Variants in NBEA observed in about 807,000 individuals in gnomAD.
The protein encoded by NBEA is lysosomal-trafficking regulator 2.
In NBEA, 44 loss-of-function variants were observed where a neutral mutation model predicts 343.4. The observed-to-expected ratio is 0.13, with a 90% CI of 0.10 to 0.16. The LOEUF (loss-of-function observed/expected upper bound fraction) is 0.16, where lower values mean the gene tolerates loss of function less well. Among genes scored for constraint, NBEA ranks in the 10% least tolerant of loss-of-function variants. The probability of loss-of-function intolerance (pLI) is 1.00; values close to 1 mark genes in which losing one functional copy is unlikely to be tolerated. For synonymous variants in NBEA, 1,175 were observed against 1,238.7 expected (o/e 0.95, Z 1.08); for missense variants, 2,555 against 3,631.3 (o/e 0.70, Z 7.62).
intron 39 of NBEA, among the ~76,000 whole-genome samples, chr13:35,439,931 G>C (rs1220432105): frequency 6.6e-6 from 1 of 152,132 alleles, no homozygotes; most frequent in Admixed American, 6.5e-5. Flanking sequence ...CCAGGCTGGA[G>C]TGCAATGGTG....
chr13:35,609,209 A>G (rs1398974398), intron 48 of NBEA, among the ~76,000 whole-genome samples: 2 of 152,230 alleles, frequency 1.3e-5, no homozygotes, highest in Non-Finnish European at 2.9e-5. Context: ...CTGATAATGT[A>G]CCAGGAAATG....
chr13:34,975,052 T>A (rs1051423801), intron 1 of NBEA, among the ~76,000 whole-genome samples: 4 of 152,166 alleles, frequency 2.6e-5, no homozygotes, highest in Non-Finnish European at 5.9e-5. Flanking sequence ...AATTTACATA[T>A]GGGGAAAGGA....
chr13:35,490,927 C>G (rs2076478880), intron 41 of NBEA, among the ~76,000 whole-genome samples: 1 of 151,900 alleles, frequency 6.6e-6, no homozygotes, highest in Admixed American at 6.6e-5. Flanking sequence ...TCTTAGTCAT[C>G]ATATAGAACC....
chr13:35,041,467 A>G (rs61947412), intron 2 of NBEA, among the ~76,000 whole-genome samples: 1 of 151,986 alleles, frequency 6.6e-6, no homozygotes, highest in East Asian at 1.9e-4. Context: ...GTAGTATTTC[A>G]TTAAGCTTTT....
chr13:35,271,108 A>T (rs1454133397), intron 34 of NBEA, among the ~76,000 whole-genome samples: 1 of 152,170 alleles, frequency 6.6e-6, no homozygotes, highest in Non-Finnish European at 1.5e-5. Context: ...GGGCCTACAG[A>T]CACCTCATAC....
At chr13:35,473,293 T>C (rs1430847067) in intron 41 of NBEA, among the ~76,000 whole-genome samples, 1 of 152,172 alleles carries the variant, frequency 6.6e-6, no homozygotes, top group Non-Finnish European at 1.5e-5. Flanking sequence ...TATTCTGGGG[T>C]TAAGAATTCA....
intron 1 of NBEA, among the ~76,000 whole-genome samples, chr13:34,980,075 G>A: frequency 6.6e-6 from 1 of 152,058 alleles, no homozygotes; most frequent in South Asian, 2.1e-4. Context: ...TCAGTACTGT[G>A]GTGTACTGTG....
At chr13:35,279,438 TTCAGACTAAAATAATTC>T (rs1432862572) in intron 34 of NBEA, among the ~76,000 whole-genome samples, 1 of 152,180 alleles carries the variant, frequency 6.6e-6, no homozygotes, top group Non-Finnish European at 1.5e-5. Flanking sequence ...AAAAATTAGA[TTCAGACTAAAATAATTC>T]TGAAATACTT....
intron 47 of NBEA, among the ~76,000 whole-genome samples, chr13:35,604,241 G>A (rs1236642717): frequency 6.6e-6 from 1 of 152,112 alleles, no homozygotes; most frequent in Non-Finnish European, 1.5e-5. Flanking sequence ...TCTACAGTAT[G>A]GTTTTTCTTT....
chr13:35,059,859 G>A (rs2063404308), intron 8 of NBEA, among the ~76,000 whole-genome samples: 1 of 151,238 alleles, frequency 6.6e-6, no homozygotes, highest in Admixed American at 6.6e-5. Flanking sequence ...TACTGAAGAA[G>A]AATAATGCTA....
chr13:34,966,247 T>G (rs2059817173), intron 1 of NBEA, among the ~76,000 whole-genome samples: 1 of 152,040 alleles, frequency 6.6e-6, no homozygotes, highest in Non-Finnish European at 1.5e-5. Flanking sequence ...TGCATGTAGA[T>G]TCATCTGATT....
chr13:35,296,081 G>T (rs117930516), intron 35 of NBEA, among the ~76,000 whole-genome samples: 1 of 152,042 alleles, frequency 6.6e-6, no homozygotes, highest in African/African-American at 2.4e-5. Flanking sequence ...AAAAAGTTCT[G>T]ACCTCATCTG....
At chr13:35,283,334 C>CCCA (rs1289107422) in intron 34 of NBEA, among the ~76,000 whole-genome samples, 1 of 152,088 alleles carries the variant, frequency 6.6e-6, no homozygotes, top group African/African-American at 2.4e-5. Context: ...TGTGTAACTA[C>CCCA]AATTAAACTT....
At chr13:35,515,236 A>G (rs917896568) in intron 41 of NBEA, among the ~76,000 whole-genome samples, 2 of 152,200 alleles carry the variant, frequency 1.3e-5, no homozygotes, top group East Asian at 1.9e-4. Flanking sequence ...GAGAGACAAG[A>G]TTAATTGAGG....
At chr13:35,617,717 A>T (rs778522564) in intron 48 of NBEA, among the ~76,000 whole-genome samples, 21 of 152,036 alleles carry the variant, frequency 1.4e-4, no homozygotes. Context: ...CACCTTTTTC[A>T]TAGTTTCTGT....
At chr13:35,079,325 A>T (rs73483936) in intron 10 of NBEA, among the ~76,000 whole-genome samples, 1 of 152,198 alleles carries the variant, frequency 6.6e-6, no homozygotes, top group African/African-American at 2.4e-5. Flanking sequence ...TGGAGAAAGT[A>T]AAAATTAAAA....
chr13:35,352,172 T>C lies in NBEA; in HGVS notation c.6028T>C (p.Tyr2010His). The change falls in exon 38 of 59, where the codon TAT becomes CAT. Residue 2010 changes from tyrosine (Y) to histidine (H), a missense_variant. By Grantham distance (83) the Tyr-to-His change is moderately conservative. Transcript: ENST00000379939. Reference protein sequence around the residue: ...HAEFESQCAQYAADRREEEKM... With the variant: ...HAEFESQCAQHAADRREEEKM... Reference sequence around the variant, plus strand: ...TTCTTTATAGTCACAGTGTGCCCAATATGCTGCTGATAGAAGAGAGGAAGA... The same window carrying C: ...TTCTTTATAGTCACAGTGTGCCCAACATGCTGCTGATAGAAGAGAGGAAGA... 1.3e-6 allele frequency: 2 copies of C among 1,491,064 alleles called. No individual in the cohort carries two copies. Among genetic ancestry groups the C allele is most frequent in the East Asian group, 2.5e-5 (1 of 39,642 alleles). 92.4% of individuals were successfully genotyped at this position (1,491,064 alleles called of 1,614,324 possible). A position where few individuals can be genotyped will look rare whatever the true frequency, so the allele number is the denominator to read the frequency against.
chr13:35,050,981 C>T (rs1192041614), intron 6 of NBEA, among the ~76,000 whole-genome samples: 1 of 151,868 alleles, frequency 6.6e-6, no homozygotes, highest in Non-Finnish European at 1.5e-5. Flanking sequence ...AAAAACTGCT[C>T]TAAAGAGAAA....
rs376875589 is a variant in NBEA at position 35,593,474 on chromosome 13, A to G, written c.7296+27A>G. On this transcript the variant is annotated intron_variant, in intron 47 of 58. Coordinates refer to ENST00000379939, the MANE Select transcript of NBEA (RefSeq NM_001385012.1). Reference sequence around the variant, plus strand: ...TAGGCTCTTTTATTTGTTGATATTCATTAAATTTCAAAATATGTGGAAATT... The same window carrying G: ...TAGGCTCTTTTATTTGTTGATATTCGTTAAATTTCAAAATATGTGGAAATT... The G allele has an allele frequency of 2.4e-5, 37 of 1,570,052 alleles. No homozygotes were observed. In the African/African-American group the frequency reaches 5.0e-4, roughly 21 times the overall value.
Sources: gnomAD v4.1 joint callset for allele counts (sites outside exome capture counted in the v4.1 genomes callset) on GRCh38, gnomAD v4.1.1 for gene constraint, MANE v1.5 for transcripts, NCBI Gene and HGNC (gene_info 2026-07-23, HGNC 2026-07-21) for gene names.